Variants in PIEZO2 observed in about 807,000 individuals in gnomAD.
PIEZO2 encodes the protein piezo-type mechanosensitive ion channel component 2.
PIEZO2 carries 172 observed loss-of-function variants against 337.3 expected under a neutral mutation model. The ratio of observed to expected loss-of-function variants is 0.51; its 90% confidence interval spans 0.45 to 0.58. The LOEUF is 0.58. Ranked by LOEUF, PIEZO2 falls within the 20% of genes least tolerant of loss-of-function variation. PIEZO2 has a pLI of 0.00. For synonymous variants in PIEZO2, 1,251 were observed against 1,228.5 expected, an observed-to-expected ratio of 1.02 and a Z score of -0.38; for missense variants, 3,028 against 3,391.3, an observed-to-expected ratio of 0.89 and a Z score of 2.66.
intron 2 of PIEZO2, among the ~76,000 whole-genome samples, chr18:11,057,411 C>T (rs1209561502): frequency 6.6e-6 from 1 of 152,098 alleles, no homozygotes; most frequent in Non-Finnish European, 1.5e-5. Context: ...CTCTAAAAGC[C>T]CAGATTTCTA....
rs1373670133 is a variant in PIEZO2, at chr18:10,837,786, C to G, written c.917+17567G>C. Among the ~76,000 whole-genome samples the G allele has an allele frequency of 6.6e-6, 1 of 152,078 alleles. No individual in the cohort carries two copies. Among genetic ancestry groups the G allele is most frequent in the Non-Finnish European group, 1.5e-5 (1 of 68,020 alleles). ...GTTGTTGTTGAGATGAAGTCTCACT[C>G]TGTCGCCCAGGCTGGAGTGCAATGG... is the stretch of plus-strand genomic sequence containing the variant. On this transcript the variant is annotated intron_variant, in intron 7 of 55. Transcript: ENST00000674853. The surrounding 1 kb of genome is among the most constrained non-coding windows in gnomAD (Gnocchi z 4.4).
In PIEZO2 at chr18:10,877,465, T is replaced by C. The variant is rs1237610467; in HGVS notation, c.330-6050A>G. Among the ~76,000 whole-genome samples, 1 of 152,224 alleles carries C rather than the reference T, an allele frequency of 6.6e-6. No homozygotes were observed. The highest frequency in any genetic ancestry group is 2.1e-4 in the South Asian group (1 of 4,834). On this transcript the variant is annotated intron_variant, in intron 4 of 55. Transcript: ENST00000674853. The surrounding 1 kb of genome is among the most constrained non-coding windows in gnomAD (Gnocchi z 5.3). Reference sequence around the variant, plus strand: ...TGGATATCTGTACTTCAGTATCCCATAGATTTTCCATTCAGTGTTATTCTT... The same window carrying C: ...TGGATATCTGTACTTCAGTATCCCACAGATTTTCCATTCAGTGTTATTCTT...
chr18:10,767,145 G>A lies in PIEZO2; in HGVS notation c.2946+3003C>T, dbSNP rs1453440118. 6.6e-6 allele frequency among the ~76,000 whole-genome samples: 1 copy of A among 152,014 alleles called. No homozygotes were observed. Among genetic ancestry groups the A allele is most frequent in the Admixed American group, 6.6e-5 (1 of 15,266 alleles). ...AGCTGTCCAATAGCCTTCGGAATTA[G>A]AAAGTAGCTGTGTATTTCAAAAGGA... On this transcript the variant is annotated intron_variant, in intron 21 of 55. Coordinates refer to ENST00000674853, the MANE Select transcript of PIEZO2 (RefSeq NM_001378183.1). This position sits in a 1 kb window ranked among gnomAD's most constrained non-coding sequence, Gnocchi z 4.2.
intron 8 of PIEZO2, among the ~76,000 whole-genome samples, chr18:10,805,181 A>G (rs1247990343): frequency 6.6e-6 from 1 of 152,244 alleles, no homozygotes; most frequent in African/African-American, 2.4e-5. Flanking sequence ...CTTAATAACT[A>G]GAAAGCCTTA....
intron 31 of PIEZO2, among the ~76,000 whole-genome samples, 183 bp downstream of exon 31, chr18:10,743,959 T>G (rs2144181629): frequency 6.6e-6 from 1 of 152,306 alleles, no homozygotes; most frequent in African/African-American, 2.4e-5. Flanking sequence ...GTTAAACTGC[T>G]TTCACTTTCA....
At position 10,862,318 on chromosome 18, in the gene PIEZO2, C is replaced by T. The variant is rs2041895920; in HGVS notation, c.493-5107G>A. On this transcript the variant is annotated intron_variant, in intron 5 of 55. Transcript: ENST00000674853. This position sits in a 1 kb window ranked among gnomAD's most constrained non-coding sequence, Gnocchi z 4.4. ...TGTATTAGTGTAAGATCTCTCATTTCACATAAGGAAACTTTAGGTGCTATG... is the reference window on the plus strand; with the variant it reads ...TGTATTAGTGTAAGATCTCTCATTTTACATAAGGAAACTTTAGGTGCTATG... 6.6e-6 allele frequency among the ~76,000 whole-genome samples: 1 copy of T among 151,984 alleles called. No homozygotes were observed. The highest frequency in any genetic ancestry group is 2.1e-4 in the South Asian group (1 of 4,826).
intron 3 of PIEZO2, among the ~76,000 whole-genome samples, chr18:10,932,543 C>T (rs996396737): frequency 6.6e-6 from 1 of 152,164 alleles, no homozygotes; most frequent in African/African-American, 2.4e-5. Flanking sequence ...TGGTCCTAGC[C>T]TTCTGCAGTT....
At chr18:10,928,758 T>A (rs1205969744) in intron 3 of PIEZO2, among the ~76,000 whole-genome samples, 5 of 152,220 alleles carry the variant, frequency 3.3e-5, no homozygotes, top group Non-Finnish European at 4.4e-5. Flanking sequence ...TGTGGCCATC[T>A]TCCTTGGAGC....
intron 36 of PIEZO2, among the ~76,000 whole-genome samples, chr18:10,720,928 C>T (rs72636731): frequency 0.087 from 13,307 of 152,200 alleles, 1,068 homozygotes; most frequent in East Asian, 0.26. Context: ...GCTAGAATGT[C>T]AGGCTGTGTA....
chr18:10,725,314 G>A (rs1024616373), intron 36 of PIEZO2: 3 of 1,590,758 alleles, frequency 1.9e-6, no homozygotes, highest in African/African-American at 1.3e-5. Context: ...CAGAAGGAGG[G>A]CTGCGTCGAA....
At chr18:10,675,388 T>A in intron 53 of PIEZO2, 100 bp from the exon 54 acceptor site, 1 of 654,808 alleles carries the variant, frequency 1.5e-6, no homozygotes, top group Non-Finnish European at 2.5e-6. Flanking sequence ...CACCAAATAA[T>A]AGTGAAAGTT....
chr18:10,826,385 C>A (rs2040678537), intron 7 of PIEZO2, among the ~76,000 whole-genome samples: 1 of 152,228 alleles, frequency 6.6e-6, no homozygotes, highest in South Asian at 2.1e-4. Context: ...TCCCTTGTTG[C>A]TTATCTGTAA....
intron 11 of PIEZO2, among the ~76,000 whole-genome samples, chr18:10,799,655 A>G (rs554766113): frequency 6.6e-6 from 1 of 152,272 alleles, no homozygotes; most frequent in Non-Finnish European, 1.5e-5. Flanking sequence ...CGTTTTTTAA[A>G]AAATGGACAA....
rs1031645323 is a variant in PIEZO2 at position 10,759,952 on chromosome 18, A to G, written c.3451-43T>C. 2.0e-6 allele frequency: 3 copies of G among 1,504,690 alleles called. No homozygotes were observed. The highest frequency in any genetic ancestry group is 2.5e-5 in the East Asian group (1 of 40,612). 93.2% of individuals were successfully genotyped at this position (1,504,690 alleles called of 1,614,324 possible). ...GAGGCAAAAAAAAAAAATCAGGCAT[A>G]TGGGAAAGGGGACTGGTGATAGGTG... On this transcript the variant is annotated intron_variant, in intron 24 of 55. Coordinates refer to ENST00000674853, the MANE Select transcript of PIEZO2 (RefSeq NM_001378183.1). This position sits in a 1 kb window ranked among gnomAD's most constrained non-coding sequence, Gnocchi z 5.5.
chr18:10,988,471 A>T lies in PIEZO2; in HGVS notation c.161-8811T>A, dbSNP rs1210358274. On this transcript the variant is annotated intron_variant, in intron 2 of 55. Coordinates refer to ENST00000674853, the MANE Select transcript of PIEZO2 (RefSeq NM_001378183.1). The surrounding 1 kb of genome is among the most constrained non-coding windows in gnomAD (Gnocchi z 4.8). ...GAGAGGGAAACATGGAGAAAAGAGA[A>T]CTCTTATATACTGTTGGTGAAAATG... Among the ~76,000 whole-genome samples, 1 of 152,162 alleles carries T rather than the reference A, an allele frequency of 6.6e-6. No individual in the cohort carries two copies. Among genetic ancestry groups the T allele is most frequent in the Non-Finnish European group, 1.5e-5 (1 of 68,016 alleles).
chr18:10,784,563 A>T lies in PIEZO2; in HGVS notation c.2492+221T>A, dbSNP rs2039146830. Among the ~76,000 whole-genome samples the T allele has an allele frequency of 6.6e-6, 1 of 152,252 alleles. No individual in the cohort carries two copies. The highest frequency in any genetic ancestry group is 1.5e-5 in the Non-Finnish European group (1 of 68,054). The stretch of plus-strand genomic sequence containing the variant: ...CTGAATATCTCACAAGACGATCAAG[A>T]TCACTTTACATTAACCAGTCATAAG... On this transcript the variant is annotated intron_variant, in intron 17 of 55. Transcript: ENST00000674853. The surrounding 1 kb of genome is among the most constrained non-coding windows in gnomAD (Gnocchi z 4.5).
At position 10,748,787 on chromosome 18, in the gene PIEZO2, C is replaced by T. The variant is rs2037527084; in HGVS notation, c.4265-157G>A. 6.6e-6 allele frequency among the ~76,000 whole-genome samples: 1 copy of T among 152,102 alleles called. No homozygotes were observed. The highest frequency in any genetic ancestry group is 1.5e-5 in the Non-Finnish European group (1 of 68,028). The stretch of plus-strand genomic sequence containing the variant: ...TGAGTTGATTTATTTACAAGGAGAT[C>T]ACACACTTCCAATCCAATATCAACA... On this transcript the variant is annotated intron_variant, in intron 29 of 55. Transcript: ENST00000674853. The surrounding 1 kb of genome is among the most constrained non-coding windows in gnomAD (Gnocchi z 5.1).
At chr18:11,015,538 T>C (rs1328285119) in intron 2 of PIEZO2, among the ~76,000 whole-genome samples, 1 of 152,180 alleles carries the variant, frequency 6.6e-6, no homozygotes, top group Non-Finnish European at 1.5e-5. Context: ...TTAAATAAAA[T>C]ATTTAACCTG....
rs1164371196 is a variant in PIEZO2 at position 10,943,669 on chromosome 18, T to A, written c.287-32441A>T. On this transcript the variant is annotated intron_variant, in intron 3 of 55. Coordinates refer to ENST00000674853, the MANE Select transcript of PIEZO2 (RefSeq NM_001378183.1). This position sits in a 1 kb window ranked among gnomAD's most constrained non-coding sequence, Gnocchi z 4.5. ...GCACTGTGGACTTTTGAGTTAATGA[T>A]GAAATGAGTTGAGACTTTGGGGGAC... is the stretch of plus-strand genomic sequence containing the variant. 6.6e-6 allele frequency among the ~76,000 whole-genome samples: 1 copy of A among 152,158 alleles called. No individual in the cohort carries two copies. Among genetic ancestry groups the A allele is most frequent in the Admixed American group, 6.5e-5 (1 of 15,268 alleles).
Sources: allele counts gnomAD v4.1 joint callset (sites outside exome capture counted in the v4.1 genomes callset), GRCh38; gene constraint gnomAD v4.1.1; non-coding constraint Gnocchi (gnomAD v3.1); transcripts MANE v1.5; gene names NCBI Gene and HGNC (gene_info 2026-07-23, HGNC 2026-07-21).